The following DYSF variants were observed in gnomAD, a reference collection of about 807,000 sequenced individuals.
DYSF encodes the protein dystrophy-associated fer-1-like 1.
Under a neutral mutation model 274.9 loss-of-function variants are expected in DYSF, and 212 were observed. That is an observed-to-expected ratio of 0.77 (90% CI 0.69 to 0.86). The LOEUF (loss-of-function observed/expected upper bound fraction) is 0.86. Ranked by LOEUF, DYSF falls within the 40% of genes least tolerant of loss-of-function variation. DYSF has a pLI of 0.00. For synonymous variants in DYSF, 1,091 were observed against 1,078.7 expected, an observed-to-expected ratio of 1.01 and a Z score of -0.22; for missense variants, 2,666 against 2,783.2, an observed-to-expected ratio of 0.96 and a Z score of 0.95.
chr2:71,537,223 G>GTTT (rs71402990), intron 16 of DYSF, among the ~76,000 whole-genome samples: 2,592 of 79,630 alleles, frequency 0.033, 97 homozygotes, highest in Middle Eastern at 0.074. Flanking sequence ...TTCTAGTTTT[G>GTTT]TTTTTTTTTT....
chr2:71,495,652 C>T (rs1199291190), intron 3 of DYSF, among the ~76,000 whole-genome samples: 1 of 152,132 alleles, frequency 6.6e-6, no homozygotes, highest in Non-Finnish European at 1.5e-5. Flanking sequence ...CTGAGCCGTA[C>T]CCACTCCTCC....
At position 71,682,521 on chromosome 2, in the gene DYSF, C is replaced by T. The variant is rs201070766; in HGVS notation, c.6174-9C>T. 263 of 1,614,104 alleles carry T rather than the reference C, an allele frequency of 1.6e-4. No individual in the cohort carries two copies. In the African/African-American group the frequency reaches 2.7e-3, roughly 17 times the overall value. On this transcript the variant is annotated splice_polypyrimidine_tract_variant and intron_variant, in intron 54 of 55. Transcript: ENST00000410020. ...GATGCCCAGTTGACCTCCGGGATCTCGCTTCCAGGCGCCCCGACACCTCCT... is the reference window on the plus strand; with the variant it reads ...GATGCCCAGTTGACCTCCGGGATCTTGCTTCCAGGCGCCCCGACACCTCCT...
At chr2:71,464,532 G>C (rs1369708320), upstream of DYSF, among the ~76,000 whole-genome samples, 3 of 152,200 alleles carry the variant, frequency 2.0e-5, no homozygotes, top group Admixed American at 6.5e-5. Context: ...AGCTGACAGA[G>C]ACCCTGGGGA....
intron 17 of DYSF, among the ~76,000 whole-genome samples, chr2:71,544,371 C>T (rs747000043): frequency 1.3e-5 from 2 of 151,878 alleles, no homozygotes; most frequent in South Asian, 2.1e-4. Context: ...AGCTGGAGAT[C>T]GTCTCCAGAT....
At position 71,668,976 on chromosome 2, in the gene DYSF, T is replaced by C. The variant is rs2095068970; in HGVS notation, c.5546+134T>C. 3 of 1,300,868 alleles carry C rather than the reference T, an allele frequency of 2.3e-6. No homozygotes were observed. In the South Asian group the frequency reaches 3.8e-5, roughly 16 times the overall value. 80.6% of individuals were successfully genotyped at this position (1,300,868 alleles called of 1,614,324 possible). A position where few individuals can be genotyped will look rare whatever the true frequency, so the allele number is the denominator to read the frequency against. ...TGGGCCATGGAATACAGTTCTCGTT[T>C]GGGCCTGGGCCAGTGTCCAGCCAGG... is the stretch of plus-strand genomic sequence containing the variant. On this transcript the variant is annotated intron_variant, in intron 49 of 55. Coordinates refer to ENST00000410020, the MANE Select transcript of DYSF (RefSeq NM_001130987.2).
chr2:71,627,313 C>T (rs574975457), intron 41 of DYSF, among the ~76,000 whole-genome samples: 4 of 151,802 alleles, frequency 2.6e-5, no homozygotes, highest in Non-Finnish European at 4.4e-5. Context: ...TGAGTATTTT[C>T]GGATTTTTAT....
intron 40 of DYSF, among the ~76,000 whole-genome samples, chr2:71,618,474 G>GGT (rs146080337): frequency 0.17 from 15,921 of 94,362 alleles, 67 homozygotes; most frequent in Non-Finnish European, 0.21. Flanking sequence ...GTGTGGTAGA[G>GGT]GTGTGTGTGT....
At chr2:71,630,137 A>G (rs561782254) in intron 41 of DYSF, among the ~76,000 whole-genome samples, 1 of 152,326 alleles carries the variant, frequency 6.6e-6, no homozygotes, top group South Asian at 2.1e-4. Context: ...GACCTCAGTT[A>G]GATTCTTTCC....
intron 1 of DYSF, 41 bp from the exon 2 acceptor site, chr2:71,480,842 C>A (rs368084694): frequency 6.3e-7 from 1 of 1,582,742 alleles, no homozygotes; most frequent in South Asian, 1.1e-5. Flanking sequence ...AGGTGAAAGG[C>A]GGGATGTGTC....
At chr2:71,495,417 T>C (rs2084281628) in intron 3 of DYSF, among the ~76,000 whole-genome samples, 1 of 152,226 alleles carries the variant, frequency 6.6e-6, no homozygotes, top group South Asian at 2.1e-4. Context: ...TTAATACTTT[T>C]GGAAGATAGT....
In DYSF at chr2:71,470,450, A is replaced by T. The variant is rs551779656; in HGVS notation, c.91+3517A>T. 7.2e-4 allele frequency among the ~76,000 whole-genome samples: 110 copies of T among 152,150 alleles called. 2 individuals carry two copies. The South Asian group carries it at 0.012, about 17-fold the overall frequency. On this transcript the variant is annotated intron_variant, in intron 1 of 55. Transcript: ENST00000410020. ...CAATTTGGGAGGCCAAGGCGGGTGG[A>T]TCATGAGGTCAGGAGATCGAGACAA...
intron 1 of DYSF, among the ~76,000 whole-genome samples, chr2:71,460,232 G>A (rs899970536): frequency 6.6e-6 from 1 of 152,134 alleles, no homozygotes; most frequent in African/African-American, 2.4e-5. Flanking sequence ...CTTTGACAAC[G>A]TGGTCCATGA....
At chr2:71,552,007 G>A (rs1046408704) in intron 19 of DYSF, among the ~76,000 whole-genome samples, 2 of 152,186 alleles carry the variant, frequency 1.3e-5, no homozygotes, top group African/African-American at 2.4e-5. Context: ...AATAACATAA[G>A]GATAGCTAAC....
In DYSF at chr2:71,529,988, C is replaced by T. The variant is rs559722313; in HGVS notation, c.1380+1587C>T. ...CAGGAGCCCCTTTGAGCTGGGCTCT[C>T]TCTCCTCAGAGACTAGCACAGGGTC... On this transcript the variant is annotated intron_variant, in intron 14 of 55. Coordinates refer to ENST00000410020, the MANE Select transcript of DYSF (RefSeq NM_001130987.2). 3.5e-4 allele frequency among the ~76,000 whole-genome samples: 54 copies of T among 152,342 alleles called. No individual in the cohort carries two copies. The South Asian group carries it at 0.011, about 32-fold the overall frequency.
intron 41 of DYSF, among the ~76,000 whole-genome samples, chr2:71,640,867 A>G (rs2094475268): frequency 1.3e-5 from 2 of 152,232 alleles, no homozygotes; most frequent in African/African-American, 4.8e-5. Flanking sequence ...CAACACTCAT[A>G]GAATTTTCCC....
chr2:71,533,434 A>T (rs1278584786), intron 14 of DYSF, among the ~76,000 whole-genome samples: 2 of 152,194 alleles, frequency 1.3e-5, no homozygotes, highest in Non-Finnish European at 2.9e-5. Context: ...GTCACTACCT[A>T]GAGGCATCCT....
At chr2:71,453,909 C>A in exon 1 of DYSF, 1 of 1,305,910 alleles carries the variant, frequency 7.7e-7, no homozygotes, top group Non-Finnish European at 1.1e-6. Context: ...CCCTCTCCAG[C>A]GAGGGGACCC....
intron 3 of DYSF, among the ~76,000 whole-genome samples, chr2:71,501,201 T>C (rs984966472): frequency 1.3e-5 from 2 of 152,174 alleles, no homozygotes; most frequent in African/African-American, 4.8e-5. Context: ...TTTCAAACCC[T>C]GGATTGAATA....
rs2093857218 is a variant in DYSF, at chr2:71,615,323, A to G, written c.4464+1913A>G. On this transcript the variant is annotated intron_variant, in intron 40 of 55. Coordinates refer to ENST00000410020, the MANE Select transcript of DYSF (RefSeq NM_001130987.2). This position sits in a 1 kb window ranked among gnomAD's most constrained non-coding sequence, Gnocchi z 4.9. ...GTGGGAGCTGGGATGGGGCTCCTGG[A>G]GGTGTACCCACCTGGGGAGGGGCTG... Among the ~76,000 whole-genome samples, 1 of 151,856 alleles carries G rather than the reference A, an allele frequency of 6.6e-6. No individual in the cohort carries two copies. Among genetic ancestry groups the G allele is most frequent in the Non-Finnish European group, 1.5e-5 (1 of 67,920 alleles).
Sources: gnomAD v4.1 joint callset for allele counts (sites outside exome capture counted in the v4.1 genomes callset) on GRCh38, gnomAD v4.1.1 for gene constraint, Gnocchi (gnomAD v3.1) non-coding constraint, MANE v1.5 for transcripts, NCBI Gene and HGNC (gene_info 2026-07-23, HGNC 2026-07-21) for gene names.